ELOVL6: variants seen among roughly 807,000 people sequenced by gnomAD.
ELOVL6 encodes the protein ELOVL fatty acid elongase 6.
In ELOVL6, 8 loss-of-function variants were observed where a neutral mutation model predicts 31.7. That is an observed-to-expected ratio of 0.25 (90% CI 0.15 to 0.45). The LOEUF is 0.45. Among genes scored for constraint, ELOVL6 ranks in the 20% least tolerant of loss-of-function variants. The pLI is 1.00. For synonymous variants in ELOVL6, 101 were observed against 117.7 expected (o/e 0.86, Z 0.92); for missense variants, 126 against 326.4 (o/e 0.39, Z 4.73).
At chr4:110,152,468 G>C (rs543486541) in intron 1 of ELOVL6, among the ~76,000 whole-genome samples, 1 of 152,170 alleles carries the variant, frequency 6.6e-6, no homozygotes, top group African/African-American at 2.4e-5. Context: ...AGAACAAAGG[G>C]TTCTCTCAGT....
intron 1 of ELOVL6, among the ~76,000 whole-genome samples, chr4:110,129,606 C>A (rs1276154439): frequency 1.3e-5 from 2 of 152,226 alleles, no homozygotes; most frequent in Non-Finnish European, 2.9e-5. Flanking sequence ...AACATACAGA[C>A]TTGTCTGCAT....
At position 110,084,416 on chromosome 4, in the gene ELOVL6, T is replaced by TC. The variant is rs1560815303; in HGVS notation, c.221+21080_221+21081insG. On this transcript the variant is annotated intron_variant, in intron 2 of 3. Transcript: ENST00000302274. ...TATGATATATGATATATGACATACA[T>TC]GATATATCACATATATCATATATGA... 1.8e-3 allele frequency among the ~76,000 whole-genome samples: 139 copies of TC among 76,956 alleles called. 18 individuals carry two copies. Among genetic ancestry groups the TC allele is most frequent in the African/African-American group, 5.7e-3 (134 of 23,510 alleles). 50.5% of individuals were successfully genotyped at this position (76,956 alleles called of 152,430 possible).
intron 2 of ELOVL6, among the ~76,000 whole-genome samples, chr4:110,084,394 G>GAC (rs1756122574): frequency 2.4e-5 from 1 of 41,162 alleles, no homozygotes; most frequent in Non-Finnish European, 5.1e-5. Flanking sequence ...TCGCATATAT[G>GAC]ATATATGATA....
intron 2 of ELOVL6, among the ~76,000 whole-genome samples, chr4:110,103,445 A>G (rs1052289735): frequency 3.9e-5 from 6 of 152,208 alleles, no homozygotes; most frequent in Non-Finnish European, 8.8e-5. Flanking sequence ...CTTATTGTTT[A>G]CATGCTAACT....
At chr4:110,189,966 C>CAAAA (rs34493408) in intron 1 of ELOVL6, among the ~76,000 whole-genome samples, 1 of 133,688 alleles carries the variant, frequency 7.5e-6, no homozygotes, top group East Asian at 2.1e-4. Context: ...GACTCCATCT[C>CAAAA]AAAAAAAAAA....
chr4:110,144,551 C>G (rs893897510), intron 1 of ELOVL6, among the ~76,000 whole-genome samples: 11 of 152,092 alleles, frequency 7.2e-5, no homozygotes, highest in Non-Finnish European at 1.5e-4. Context: ...CATCAGAGTA[C>G]AGATGACTCC....
chr4:110,120,772 G>C lies in ELOVL6; in HGVS notation c.90-15144C>G, dbSNP rs151266401. Reference sequence around the variant, plus strand: ...TATACCAGGAATGTTACACTTCTCAGCTGGTTCTTTTCTTTTTTTTCTTTT... The same window carrying C: ...TATACCAGGAATGTTACACTTCTCACCTGGTTCTTTTCTTTTTTTTCTTTT... On this transcript the variant is annotated intron_variant, in intron 1 of 3. Transcript: ENST00000302274. Among the ~76,000 whole-genome samples, 3 of 149,930 alleles carry C rather than the reference G, an allele frequency of 2.0e-5. No homozygotes were observed. The East Asian group carries it at 5.8e-4, about 29-fold the overall frequency.
chr4:110,084,463 G>C (rs768787565), intron 2 of ELOVL6, among the ~76,000 whole-genome samples: 1,130 of 22,060 alleles, frequency 0.051, 106 homozygotes, highest in African/African-American at 0.19. Context: ...TATCATATAT[G>C]ATATATAACA....
At chr4:110,066,682 G>C (rs1268328116) in intron 2 of ELOVL6, among the ~76,000 whole-genome samples, 1 of 145,306 alleles carries the variant, frequency 6.9e-6, no homozygotes, top group East Asian at 2.0e-4. Context: ...GCATCTCCAT[G>C]TCAATATCAT....
intron 1 of ELOVL6, among the ~76,000 whole-genome samples, chr4:110,148,109 C>CA (rs1157605540): frequency 0.067 from 3,645 of 54,122 alleles, 233 homozygotes; most frequent in African/African-American, 0.17. Flanking sequence ...AACTCGGTCT[C>CA]AAAAAAAAAA....
chr4:110,082,039 A>G (rs1755873949), intron 2 of ELOVL6, among the ~76,000 whole-genome samples: 1 of 147,876 alleles, frequency 6.8e-6, no homozygotes. Context: ...CAAAACCACA[A>G]TGAGATACCG....
intron 1 of ELOVL6, among the ~76,000 whole-genome samples, chr4:110,172,628 A>C (rs1448893450): frequency 2.0e-5 from 3 of 152,168 alleles, no homozygotes; most frequent in East Asian, 3.9e-4. Context: ...CACACTTGAC[A>C]CTGGTTGCTT....
chr4:110,182,287 C>T (rs935725094), intron 1 of ELOVL6, among the ~76,000 whole-genome samples: 4 of 152,116 alleles, frequency 2.6e-5, no homozygotes, highest in Admixed American at 1.3e-4. Context: ...GAAGGAGAAA[C>T]AAGTTTATTG....
At chr4:110,193,490 A>G (rs1759684245) in intron 1 of ELOVL6, among the ~76,000 whole-genome samples, 3 of 152,162 alleles carry the variant, frequency 2.0e-5, no homozygotes, top group Admixed American at 2.0e-4. Flanking sequence ...CTGTAATCCC[A>G]GCTGCTTGGG....
At chr4:110,181,565 A>C (rs1759275029) in intron 1 of ELOVL6, among the ~76,000 whole-genome samples, 1 of 152,216 alleles carries the variant, frequency 6.6e-6, no homozygotes, top group Non-Finnish European at 1.5e-5. Flanking sequence ...GTCTTCATAG[A>C]TCTAAGCCAA....
intron 1 of ELOVL6, among the ~76,000 whole-genome samples, chr4:110,188,668 A>G (rs1014539965): frequency 2.0e-5 from 3 of 152,056 alleles, no homozygotes; most frequent in Non-Finnish European, 2.9e-5. Context: ...TGGGAGGATC[A>G]CCTGAGGTTA....
intron 3 of ELOVL6, among the ~76,000 whole-genome samples, chr4:110,057,274 T>G (rs1056702557): frequency 4.6e-5 from 7 of 151,916 alleles, no homozygotes; most frequent in African/African-American, 1.7e-4. Flanking sequence ...AAGTCCAGTC[T>G]CCAGCCATAG....
rs539376021 is a variant in ELOVL6, at chr4:110,188,425, G to A, written c.89+9822C>T. Among the ~76,000 whole-genome samples, 9 of 151,956 alleles carry A rather than the reference G, an allele frequency of 5.9e-5. No homozygotes were observed. In the South Asian group the frequency reaches 1.9e-3, roughly 32 times the overall value. On this transcript the variant is annotated intron_variant, in intron 1 of 3. Coordinates refer to ENST00000302274, the MANE Select transcript of ELOVL6 (RefSeq NM_024090.3). ...AATATTCAAATAAGAGGATGATTGG[G>A]GCCTTGTGACACACCCCTCATCATC...
In ELOVL6 at chr4:110,141,855, GTATATA is replaced by G. The variant is rs57733252; in HGVS notation, c.90-36233_90-36228del. Among the ~76,000 whole-genome samples the G allele has an allele frequency of 1.8e-3, 226 of 126,632 alleles. 1 individual carries two copies. Among genetic ancestry groups the G allele is most frequent in the Middle Eastern group, 8.6e-3 (2 of 232 alleles). The allele number at this position is 126,632 out of a possible 152,430, so 83.1% of individuals were successfully genotyped here. On this transcript the variant is annotated intron_variant, in intron 1 of 3. Coordinates refer to ENST00000302274, the MANE Select transcript of ELOVL6 (RefSeq NM_024090.3). ...TATATACACTAACACAATACAATTA[GTATATA>G]TATATATATATATACTAATACAATA...
Sources: allele counts gnomAD v4.1 joint callset (sites outside exome capture counted in the v4.1 genomes callset), GRCh38; gene constraint gnomAD v4.1.1; transcripts MANE v1.5; gene names NCBI Gene and HGNC (gene_info 2026-07-23, HGNC 2026-07-21).